USP40: variants seen among roughly 807,000 people sequenced by gnomAD.
USP40 encodes ubiquitin specific peptidase 40.
USP40 carries 143 observed loss-of-function variants against 166.2 expected under a neutral mutation model. The observed-to-expected ratio is 0.86, with a 90% CI of 0.75 to 0.99. The LOEUF is 0.99. Among genes scored for constraint, USP40 ranks in the 50% least tolerant of loss-of-function variants. The probability of loss-of-function intolerance (pLI) is 0.00; values close to 1 mark genes in which losing one functional copy is unlikely to be tolerated. For synonymous variants in USP40, 498 were observed against 524.0 expected (o/e 0.95, Z 0.68); for missense variants, 1,444 against 1,479.7 (o/e 0.98, Z 0.40).
chr2:233,528,556 TTTTA>T (rs1267406380), intron 12 of USP40, among the ~76,000 whole-genome samples: 15 of 152,308 alleles, frequency 9.8e-5, no homozygotes, highest in African/African-American at 2.9e-4. Context: ...AGGCTCTGCC[TTTTA>T]TTTTTTTATT....
intron 8 of USP40, chr2:233,546,081 CT>C (rs1192544214): frequency 6.6e-6 from 1 of 152,132 alleles, no homozygotes; most frequent in Non-Finnish European, 1.5e-5. Flanking sequence ...TCTCTAAGTC[CT>C]GAGGAAGACC....
chr2:233,561,094 A>G, intron 3 of USP40: 1 of 1,487,306 alleles, frequency 6.7e-7, no homozygotes, highest in African/African-American at 1.4e-5. Context: ...CAAGCCACTT[A>G]ATTCCTTCTT....
chr2:233,522,285 G>A (rs78885299), intron 16 of USP40, among the ~76,000 whole-genome samples: 1 of 152,052 alleles, frequency 6.6e-6, no homozygotes, highest in Admixed American at 6.6e-5. Context: ...TACTGTTTTG[G>A]GTCCCTTCTG....
intron 18 of USP40, among the ~76,000 whole-genome samples, chr2:233,513,651 T>A (rs2066982474): frequency 6.6e-6 from 1 of 152,200 alleles, no homozygotes; most frequent in Admixed American, 6.5e-5. Flanking sequence ...AATTCGTGCA[T>A]GTCAGAGCAG....
At chr2:233,495,939 CAAACA>C (rs1454074086) in intron 24 of USP40, among the ~76,000 whole-genome samples, 3 of 152,130 alleles carry the variant, frequency 2.0e-5, no homozygotes, top group East Asian at 3.8e-4. Context: ...TGAATAAAAG[CAAACA>C]AAACAAGTGT....
At position 233,566,713 on chromosome 2, in the gene USP40, A is replaced by G; in HGVS notation, c.-49T>C. 5.1e-6 allele frequency: 5 copies of G among 986,068 alleles called. No individual in the cohort carries two copies. The highest frequency in any genetic ancestry group is 6.0e-6 in the Non-Finnish European group (5 of 830,064). 61.1% of individuals were successfully genotyped at this position (986,068 alleles called of 1,614,324 possible). On this transcript the variant is annotated 5_prime_UTR_variant, in exon 1 of 32. Transcript: ENST00000678225. ...TAAAGCCCAGACCCCCGCCCTGGCC[A>G]AAACGCGAAGCGAACGAACCCGCCC...
chr2:233,482,588 TTTTTTTG>T (rs1180328261), intron 30 of USP40, among the ~76,000 whole-genome samples: 3,631 of 146,424 alleles, frequency 0.025, 103 homozygotes, highest in African/African-American at 0.07. Context: ...TGGAGTTTTT[TTTTTTTG>T]TTTTTTTTTT....
In USP40 at chr2:233,477,283, G is replaced by A. The variant is rs922883085; in HGVS notation, c.*109C>T. 1.0e-6 allele frequency: 1 copy of A among 981,816 alleles called. No homozygotes were observed. Among genetic ancestry groups the A allele is most frequent in the African/African-American group, 1.6e-5 (1 of 62,112 alleles). The allele number at this position is 981,816 out of a possible 1,614,324, so 60.8% of individuals were successfully genotyped here. A position where few individuals can be genotyped will look rare whatever the true frequency, so the allele number is the denominator to read the frequency against. On this transcript the variant is annotated 3_prime_UTR_variant, in exon 32 of 32. Transcript: ENST00000678225. ...GCCGTCCCTGTGCTCAAAGGAAGCA[G>A]AGGATTTGGGATTGGAGGCGCCAGG...
At chr2:233,555,182 G>C (rs1194576179) in intron 5 of USP40, among the ~76,000 whole-genome samples, 1 of 152,182 alleles carries the variant, frequency 6.6e-6, no homozygotes, top group African/African-American at 2.4e-5. Context: ...AACAGAGTGA[G>C]ACTCCATCTC....
intron 27 of USP40, 130 bp downstream of exon 27, chr2:233,489,235 C>G (rs1395800711): frequency 1.2e-6 from 1 of 840,592 alleles, no homozygotes; most frequent in Admixed American, 2.2e-5. Context: ...ACCCAAGTCA[C>G]AAGCGTGGCA....
chr2:233,479,347 A>G (rs1017523158), intron 31 of USP40, among the ~76,000 whole-genome samples: 7 of 152,264 alleles, frequency 4.6e-5, no homozygotes, highest in East Asian at 1.9e-4. Flanking sequence ...GGCTGATCAC[A>G]AGGTCAAGAG....
intron 17 of USP40, 108 bp from the exon 18 acceptor site, chr2:233,519,779 G>C: frequency 1.7e-6 from 1 of 600,134 alleles, no homozygotes; most frequent in Non-Finnish European, 2.7e-6. Context: ...TTAATTACCT[G>C]ACATTTAGTA....
intron 19 of USP40, 136 bp from the exon 20 acceptor site, chr2:233,511,933 G>T: frequency 4.7e-6 from 3 of 634,554 alleles, no homozygotes; most frequent in Non-Finnish European, 7.9e-6. Flanking sequence ...TCAGACAAAA[G>T]GATTACATGC....
chr2:233,539,938 A>G (rs1350068466), intron 10 of USP40, among the ~76,000 whole-genome samples: 1 of 152,130 alleles, frequency 6.6e-6, no homozygotes, highest in East Asian at 1.9e-4. Flanking sequence ...GTTTGAGACC[A>G]GCCTGGGTGA....
chr2:233,477,495 GCTT>G lies in USP40; in HGVS notation c.3605_3607del (p.Glu1202del), dbSNP rs762357022. 6.3e-5 allele frequency: 101 copies of G among 1,612,976 alleles called. No individual in the cohort carries two copies. Among genetic ancestry groups the G allele is most frequent in the Non-Finnish European group, 8.2e-5 (97 of 1,179,686 alleles). On this transcript the variant is annotated inframe_deletion, in exon 32 of 32. Transcript: ENST00000678225. ...GATGTAGCTGCTCTGCTCATGGAGG[GCTT>G]CTTGGCTGCAGAGACACAGACACTG...
Position 233,485,521 on chromosome 2 carries a change from AAC to A in USP40, c.3504+8_3504+9del, listed in dbSNP as rs775957185. 7.5e-6 allele frequency: 12 copies of A among 1,609,020 alleles called. No homozygotes were observed. Among genetic ancestry groups the A allele is most frequent in the Middle Eastern group, 1.6e-4 (1 of 6,072 alleles). Reference sequence around the variant, plus strand: ...TCTCAAAGTGGTAAATTTGCTGTTAAACAACTTACCTTAACACCAATAGTATC... The same window carrying A: ...TCTCAAAGTGGTAAATTTGCTGTTAAAACTTACCTTAACACCAATAGTATC... On this transcript the variant is annotated splice_region_variant and intron_variant, in intron 30 of 31. Transcript: ENST00000678225.
chr2:233,481,395 AAC>A, intron 30 of USP40, 98 bp from the exon 31 acceptor site: 1 of 1,035,274 alleles, frequency 9.7e-7, no homozygotes, highest in Non-Finnish European at 1.4e-6. Flanking sequence ...TTGACAAAAG[AAC>A]AGATTCAAAT....
Position 233,529,473 on chromosome 2 carries a change from A to C in USP40, c.1511T>G (p.Leu504Arg). 1 of 1,585,124 alleles carries C rather than the reference A, an allele frequency of 6.3e-7. No individual in the cohort carries two copies. The highest frequency in any genetic ancestry group is 8.6e-7 in the Non-Finnish European group (1 of 1,163,784). Reference sequence around the variant, plus strand: ...AATGTTAGCTGCATCCATTTCATTCAGTAAATGACATGGAACCCCATATCT... The same window carrying C: ...AATGTTAGCTGCATCCATTTCATTCCGTAAATGACATGGAACCCCATATCT... ...NPRYGVPCHLLNEMDAANIEL... is the reference protein window; with the variant it reads ...NPRYGVPCHLRNEMDAANIEL... Residue 504 changes from leucine (L) to arginine (R), a missense_variant, in exon 12 of 32, where the codon CTG becomes CGG. Physicochemically the swap from Leu to Arg is moderately radical, Grantham distance 102 (BLOSUM62 -2). Transcript: ENST00000678225.
intron 13 of USP40, among the ~76,000 whole-genome samples, chr2:233,526,312 A>G (rs1470335775): frequency 6.6e-6 from 1 of 152,190 alleles, no homozygotes; most frequent in South Asian, 2.1e-4. Flanking sequence ...TGTACCTCAC[A>G]CTTACAAAGT....
Sources: allele counts gnomAD v4.1 joint callset (sites outside exome capture counted in the v4.1 genomes callset), GRCh38; gene constraint gnomAD v4.1.1; transcripts MANE v1.5; gene names NCBI Gene and HGNC (gene_info 2026-07-23, HGNC 2026-07-21).